Variants in TGFA observed in about 807,000 individuals in gnomAD.
The protein encoded by TGFA is transforming growth factor alpha.
In TGFA, 12 loss-of-function variants were observed where a neutral mutation model predicts 21.7. That is an observed-to-expected ratio of 0.55 (90% CI 0.35 to 0.90). The LOEUF is 0.90. Ranked by LOEUF, TGFA falls within the 40% of genes least tolerant of loss-of-function variation. The probability of loss-of-function intolerance (pLI) is 0.01; values close to 1 mark genes in which losing one functional copy is unlikely to be tolerated. For synonymous variants in TGFA, 79 were observed against 88.1 expected (o/e 0.90, Z 0.58); for missense variants, 178 against 210.8 (o/e 0.84, Z 0.96).
chr2:70,548,112 G>C (rs1391128603), intron 1 of TGFA, among the ~76,000 whole-genome samples: 1 of 152,100 alleles, frequency 6.6e-6, no homozygotes, highest in African/African-American at 2.4e-5. Context: ...CATTAGTGAT[G>C]CAAGACTTTA....
chr2:70,505,655 T>C (rs1439727334), intron 2 of TGFA, among the ~76,000 whole-genome samples: 1 of 151,982 alleles, frequency 6.6e-6, no homozygotes, highest in Non-Finnish European at 1.5e-5. Context: ...GGATTCCTCC[T>C]GAAGCTGCTA....
Position 70,507,377 on chromosome 2 carries a change from TC to T in TGFA, c.94+7481del, listed in dbSNP as rs542458270. The stretch of plus-strand genomic sequence containing the variant: ...ACACTATATGCCCTGTATTTTTGCA[TC>T]TGTGTATATAGTTTATAAGTTCGAG... On this transcript the variant is annotated intron_variant, in intron 2 of 5. Coordinates refer to ENST00000295400, the MANE Select transcript of TGFA (RefSeq NM_003236.4). Among the ~76,000 whole-genome samples the T allele has an allele frequency of 8.9e-4, 136 of 152,406 alleles. 3 individuals carry two copies. The South Asian group carries it at 0.016, about 17-fold the overall frequency.
intron 2 of TGFA, among the ~76,000 whole-genome samples, chr2:70,478,036 C>G (rs1184802486): frequency 1.3e-5 from 2 of 152,176 alleles, no homozygotes; most frequent in Non-Finnish European, 2.9e-5. Context: ...TGCTTACAAT[C>G]TGAAGTCAAT....
At chr2:70,540,950 T>G (rs1315959960) in intron 1 of TGFA, among the ~76,000 whole-genome samples, 1 of 152,204 alleles carries the variant, frequency 6.6e-6, no homozygotes, top group Non-Finnish European at 1.5e-5. Context: ...GAGATACCAT[T>G]TTGCCAACAG....
In TGFA at chr2:70,514,786, T is replaced by C. The variant is rs1210565448; in HGVS notation, c.94+73A>G. On this transcript the variant is annotated intron_variant, in intron 2 of 5. Coordinates refer to ENST00000295400, the MANE Select transcript of TGFA (RefSeq NM_003236.4). ...GGGCAGGAGGCCAGGGAGGGAGCTCTTGAGGAGCCACACAGCAGCAGGCCC... is the reference window on the plus strand; with the variant it reads ...GGGCAGGAGGCCAGGGAGGGAGCTCCTGAGGAGCCACACAGCAGCAGGCCC... The C allele has an allele frequency of 3.9e-6, 6 of 1,523,646 alleles. No individual in the cohort carries two copies. The Admixed American group carries it at 5.3e-5, about 14-fold the overall frequency. The allele number at this position is 1,523,646 out of a possible 1,614,324, so 94.4% of individuals were successfully genotyped here.
At chr2:70,530,598 A>G (rs1553503609) in intron 1 of TGFA, among the ~76,000 whole-genome samples, 4 of 151,782 alleles carry the variant, frequency 2.6e-5, no homozygotes, top group African/African-American at 9.8e-5. Flanking sequence ...CATGGGCCAC[A>G]GGTTGGACAA....
At chr2:70,472,578 GA>G (rs1169903268) in intron 2 of TGFA, among the ~76,000 whole-genome samples, 9 of 152,166 alleles carry the variant, frequency 5.9e-5, no homozygotes, top group Admixed American at 2.0e-4. Flanking sequence ...CAATTCACAG[GA>G]GGGGTCTCCG....
intron 2 of TGFA, among the ~76,000 whole-genome samples, chr2:70,492,586 G>A (rs1020515804): frequency 2.0e-5 from 3 of 152,242 alleles, no homozygotes; most frequent in African/African-American, 7.2e-5. Context: ...CGCCACGACT[G>A]TCTGGTGATT....
chr2:70,494,326 C>T (rs1410176393), intron 2 of TGFA, among the ~76,000 whole-genome samples: 1 of 152,212 alleles, frequency 6.6e-6, no homozygotes, highest in African/African-American at 2.4e-5. Context: ...GTCAGAGTTT[C>T]TGGAGAATAT....
In TGFA at chr2:70,453,337, C is replaced by T. The variant is rs375187935; in HGVS notation, c.366-10G>A. 1.9e-6 allele frequency: 3 copies of T among 1,612,092 alleles called. No individual in the cohort carries two copies. Among genetic ancestry groups the T allele is most frequent in the Admixed American group, 1.7e-5 (1 of 59,980 alleles). ...TCGGACCTGGCAGCAGCTGCAAAGA[C>T]ACAGAGGACCCAGTCTGGGCAGGAG... On this transcript the variant is annotated splice_polypyrimidine_tract_variant and intron_variant, in intron 4 of 5. Transcript: ENST00000295400.
chr2:70,450,809 C>G lies in TGFA; in HGVS notation c.*50G>C, dbSNP rs1670030175. ...GCAGTGCTGTCCTGAAGAAGCCTTTCTTTATTGATCTGCCACAGTCCACCT... is the reference window on the plus strand; with the variant it reads ...GCAGTGCTGTCCTGAAGAAGCCTTTGTTTATTGATCTGCCACAGTCCACCT... On this transcript the variant is annotated 3_prime_UTR_variant, in exon 6 of 6. Transcript: ENST00000295400. 6.2e-7 allele frequency: 1 copy of G among 1,601,040 alleles called. No homozygotes were observed. Among genetic ancestry groups the G allele is most frequent in the East Asian group, 2.2e-5 (1 of 44,788 alleles).
At chr2:70,533,828 C>T (rs968928105) in intron 1 of TGFA, among the ~76,000 whole-genome samples, 1 of 152,070 alleles carries the variant, frequency 6.6e-6, no homozygotes, top group Non-Finnish European at 1.5e-5. Context: ...TAAAGGAAGA[C>T]CATAAGGTCC....
At chr2:70,451,175 C>G (rs556274852) in intron 5 of TGFA, among the ~76,000 whole-genome samples, 1 of 152,330 alleles carries the variant, frequency 6.6e-6, no homozygotes, top group South Asian at 2.1e-4. Flanking sequence ...TTTAATCTGG[C>G]CTGCAGTCAG....
chr2:70,533,607 G>A (rs1406630701), intron 1 of TGFA, among the ~76,000 whole-genome samples: 1 of 123,344 alleles, frequency 8.1e-6, no homozygotes, highest in Non-Finnish European at 1.8e-5. Context: ...CAGACCAGCA[G>A]GATAGGCTGC....
At chr2:70,553,051 A>G in intron 1 of TGFA, 1 of 963,274 alleles carries the variant, frequency 1.0e-6, no homozygotes, top group Middle Eastern at 2.1e-4. Context: ...CTTCATTTCC[A>G]AGGACATACT....
intron 1 of TGFA, among the ~76,000 whole-genome samples, chr2:70,519,703 C>T (rs1672391141): frequency 6.6e-6 from 1 of 152,240 alleles, no homozygotes; most frequent in Admixed American, 6.5e-5. Flanking sequence ...TATGACATCA[C>T]AGGAAATGAT....
At chr2:70,549,965 C>T (rs1574156130) in intron 1 of TGFA, among the ~76,000 whole-genome samples, 2 of 152,202 alleles carry the variant, frequency 1.3e-5, no homozygotes, top group African/African-American at 2.4e-5. Flanking sequence ...ATTATGGCTG[C>T]CCAATACGGA....
chr2:70,495,214 A>T (rs1317606289), intron 2 of TGFA, among the ~76,000 whole-genome samples: 2 of 152,240 alleles, frequency 1.3e-5, no homozygotes, highest in Non-Finnish European at 2.9e-5. Flanking sequence ...AAATGCCACT[A>T]CTATCACATG....
At chr2:70,515,603 C>T (rs1481246521) in intron 1 of TGFA, among the ~76,000 whole-genome samples, 6 of 152,170 alleles carry the variant, frequency 3.9e-5, no homozygotes, top group Admixed American at 3.3e-4. Context: ...TGCCTCCTCC[C>T]TGCCAGGATG....
Sources: gnomAD v4.1 joint callset for allele counts (sites outside exome capture counted in the v4.1 genomes callset) on GRCh38, gnomAD v4.1.1 for gene constraint, MANE v1.5 for transcripts, NCBI Gene and HGNC (gene_info 2026-07-23, HGNC 2026-07-21) for gene names.